Variants in CCL28 observed in about 807,000 individuals in gnomAD.
CCL28 encodes C-C motif chemokine 28.
CCL28 carries 4 observed loss-of-function variants against 7.1 expected under a neutral mutation model. That is an observed-to-expected ratio of 0.56 (90% CI 0.28 to 1.29). The LOEUF (loss-of-function observed/expected upper bound fraction) is 1.29, where lower values mean the gene tolerates loss of function less well. Ranked by LOEUF, CCL28 falls within the 50% of genes most tolerant of loss-of-function variation. The pLI, the probability that CCL28 is intolerant of heterozygous loss-of-function variation, is 0.11. For missense variants in CCL28, 151 were observed against 163.4 expected, an observed-to-expected ratio of 0.92 and a Z score of 0.41; for synonymous variants, 55 against 57.8, an observed-to-expected ratio of 0.95 and a Z score of 0.22.
At chr5:43,408,252 A>G (rs996047427) in intron 1 of CCL28, among the ~76,000 whole-genome samples, 2 of 152,244 alleles carry the variant, frequency 1.3e-5, no homozygotes, top group South Asian at 2.1e-4. Context: ...ATGTCCATCA[A>G]TGATAGACTG....
At chr5:43,364,793 C>T in the CCL28 span, among the ~76,000 whole-genome samples, 1 of 151,992 alleles carries the variant, frequency 6.6e-6, no homozygotes, top group South Asian at 2.1e-4. Flanking sequence ...TTGCATTGAT[C>T]CCTTTACCAT....
the CCL28 span, among the ~76,000 whole-genome samples, chr5:43,368,177 G>T: frequency 1.3e-5 from 2 of 152,170 alleles, no homozygotes; most frequent in Non-Finnish European, 2.9e-5. Context: ...CAGGGTTATT[G>T]TGAGGACTAA....
intron 1 of CCL28, among the ~76,000 whole-genome samples, chr5:43,394,676 T>G (rs7701642): frequency 0.67 from 102,043 of 151,942 alleles, 36,372 homozygotes; most frequent in African/African-American, 0.9. Flanking sequence ...TTTTTTATTT[T>G]TAATAGTTTG....
the CCL28 span, among the ~76,000 whole-genome samples, chr5:43,369,039 AG>A: frequency 0.099 from 192 of 1,932 alleles, 1 homozygote; most frequent in South Asian, 0.23. Context: ...AGAGAGAAAG[AG>A]AGAGAGAGAG....
chr5:43,374,991 TTTC>T (rs1739857060), downstream of CCL28, among the ~76,000 whole-genome samples: 1 of 151,970 alleles, frequency 6.6e-6, no homozygotes. Context: ...GAAAGATCTT[TTTC>T]TTTTCTTTTT....
chr5:43,370,379 T>C, the CCL28 span, among the ~76,000 whole-genome samples: 3 of 151,838 alleles, frequency 2.0e-5, no homozygotes, highest in Admixed American at 2.0e-4. Context: ...CGCATATCAA[T>C]GCACAGACAA....
chr5:43,398,864 G>T lies in CCL28; in HGVS notation c.65-10388C>A, dbSNP rs563732827. ...GACTCCATCTCAAAAAAAAAGAAGAGAAATTACTTTCTCTGCCTCTTGAAT... is the reference window on the plus strand; with the variant it reads ...GACTCCATCTCAAAAAAAAAGAAGATAAATTACTTTCTCTGCCTCTTGAAT... On this transcript the variant is annotated intron_variant, in intron 1 of 2. Transcript: ENST00000361115. Among the ~76,000 whole-genome samples the T allele has an allele frequency of 5.3e-4, 80 of 151,966 alleles. No homozygotes were observed. In the South Asian group the frequency reaches 0.016, roughly 30 times the overall value.
chr5:43,404,593 G>A (rs1183616223), intron 1 of CCL28, among the ~76,000 whole-genome samples: 2 of 152,148 alleles, frequency 1.3e-5, no homozygotes, highest in African/African-American at 4.8e-5. Context: ...GGAAGAAACT[G>A]CATCAACTAA....
downstream of CCL28, among the ~76,000 whole-genome samples, chr5:43,378,110 AGATGGGAGGATCGC>A (rs1739962039): frequency 6.6e-6 from 1 of 152,150 alleles, no homozygotes; most frequent in Non-Finnish European, 1.5e-5. Flanking sequence ...TGGGAGGGTG[AGATGGGAGGATCGC>A]TTAAGCCCAG....
chr5:43,358,317 A>T, the CCL28 span, among the ~76,000 whole-genome samples: 2 of 152,228 alleles, frequency 1.3e-5, no homozygotes, highest in Non-Finnish European at 2.9e-5. Context: ...GAACAGAGGA[A>T]ATTGGCTTTA....
chr5:43,357,655 C>T, the CCL28 span, among the ~76,000 whole-genome samples: 1 of 152,164 alleles, frequency 6.6e-6, no homozygotes, highest in Admixed American at 6.5e-5. Context: ...CTCTCTCCCA[C>T]CCAGGTCTCT....
At chr5:43,409,375 G>A (rs559731439) in intron 1 of CCL28, among the ~76,000 whole-genome samples, 20 of 152,190 alleles carry the variant, frequency 1.3e-4, no homozygotes, top group South Asian at 4.1e-4. Context: ...GCAGTGAGCC[G>A]AGATTGCACC....
At chr5:43,409,577 G>A (rs1479599268) in intron 1 of CCL28, among the ~76,000 whole-genome samples, 4 of 152,098 alleles carry the variant, frequency 2.6e-5, no homozygotes, top group Non-Finnish European at 5.9e-5. Flanking sequence ...ACCTTCCCTA[G>A]CCAGAGTCTT....
At chr5:43,407,701 C>T (rs1083837) in intron 1 of CCL28, among the ~76,000 whole-genome samples, 331 of 152,282 alleles carry the variant, frequency 2.2e-3, no homozygotes, top group African/African-American at 7.5e-3. Context: ...TCAGAGTGAA[C>T]AGGCAACCTA....
Position 43,381,662 on chromosome 5 carries a change from T to C in CCL28, c.*198A>G, listed in dbSNP as rs992029361. 3.7e-6 allele frequency: 2 copies of C among 533,842 alleles called. No individual in the cohort carries two copies. Among genetic ancestry groups the C allele is most frequent in the Non-Finnish European group, 6.6e-6 (2 of 302,114 alleles). 33.1% of individuals were successfully genotyped at this position (533,842 alleles called of 1,614,324 possible). On this transcript the variant is annotated 3_prime_UTR_variant, in exon 3 of 3. Coordinates refer to ENST00000361115, the MANE Select transcript of CCL28 (RefSeq NM_148672.3). ...GGTGTGAACCACCATACCCAGCCAGTATTATCTTTTCATTTCATTTTCCAG... is the reference window on the plus strand; with the variant it reads ...GGTGTGAACCACCATACCCAGCCAGCATTATCTTTTCATTTCATTTTCCAG...
intron 2 of CCL28, among the ~76,000 whole-genome samples, chr5:43,385,256 G>A (rs1009818812): frequency 3.3e-5 from 5 of 152,186 alleles, no homozygotes; most frequent in Middle Eastern, 3.2e-3. Flanking sequence ...CATTAATGAA[G>A]TCACTGTAGA....
the CCL28 span, among the ~76,000 whole-genome samples, chr5:43,360,445 C>T: frequency 6.6e-6 from 1 of 152,072 alleles, no homozygotes; most frequent in Non-Finnish European, 1.5e-5. Context: ...CAGGTAGGCC[C>T]CATGTCTGTT....
chr5:43,364,526 C>A, the CCL28 span, among the ~76,000 whole-genome samples: 1 of 151,876 alleles, frequency 6.6e-6, no homozygotes, highest in Non-Finnish European at 1.5e-5. Context: ...TCAATTTGTA[C>A]AAAGATAATA....
At chr5:43,399,944 C>T (rs759839480) in intron 1 of CCL28, among the ~76,000 whole-genome samples, 2 of 151,596 alleles carry the variant, frequency 1.3e-5, no homozygotes, top group Non-Finnish European at 2.9e-5. Context: ...TGCCCAGGCT[C>T]AAGTGATCCT....
Sources: gnomAD v4.1 joint callset for allele counts (sites outside exome capture counted in the v4.1 genomes callset) on GRCh38, gnomAD v4.1.1 for gene constraint, MANE v1.5 for transcripts, NCBI Gene and HGNC (gene_info 2026-07-23, HGNC 2026-07-21) for gene names.